NHS: variants seen among roughly 807,000 people sequenced by gnomAD.
NHS encodes actin remodeling regulator NHS.
In NHS, 5 loss-of-function variants were observed where a neutral mutation model predicts 72.5. The ratio of observed to expected loss-of-function variants is 0.07; its 90% CI spans 0.04 to 0.14. The LOEUF (loss-of-function observed/expected upper bound fraction) is 0.14, where lower values mean the gene tolerates loss of function less well. Among genes scored for constraint, NHS ranks in the 10% least tolerant of loss-of-function variants. The pLI is 1.00. For missense variants in NHS, 1,072 were observed against 1,355.7 expected (o/e 0.79, Z 3.29); for synonymous variants, 464 against 547.7 (o/e 0.85, Z 2.13).
At chrX:17,598,378 T>C (rs1460377573) in intron 1 of NHS, among the ~76,000 whole-genome samples, 1 of 112,747 alleles carries the variant, frequency 8.9e-6, no homozygotes. Context: ...GTTTAACTCC[T>C]TTCTTATTTC....
At chrX:17,509,896 A>T (rs1229787743) in intron 1 of NHS, among the ~76,000 whole-genome samples, 1 of 112,877 alleles carries the variant, frequency 8.9e-6, no homozygotes, top group East Asian at 2.8e-4. Flanking sequence ...AACAGCAGCC[A>T]CAATAGTAGC....
chrX:17,719,033 AGAAGGAGGGAGG>A (rs2066388183), intron 3 of NHS, among the ~76,000 whole-genome samples: 1 of 91,954 alleles, frequency 1.1e-5, no homozygotes, highest in Non-Finnish European at 2.2e-5. Flanking sequence ...AAAAAAGGAA[AGAAGGAGGGAGG>A]GAAGGAAGGA....
At chrX:17,690,958 G>A (rs1363053401) in intron 2 of NHS, among the ~76,000 whole-genome samples, 1 of 111,336 alleles carries the variant, frequency 9.0e-6, no homozygotes, top group East Asian at 2.8e-4. Context: ...CAAGTTGGAG[G>A]CTGCAGCATA....
At chrX:17,434,979 T>G (rs1020727885) in intron 1 of NHS, among the ~76,000 whole-genome samples, 21 of 112,133 alleles carry the variant, frequency 1.9e-4, no homozygotes, top group South Asian at 3.7e-4. Flanking sequence ...CCAGAGAAGC[T>G]TCTAGAAAGA....
At chrX:17,540,954 C>G (rs1349917892) in intron 1 of NHS, among the ~76,000 whole-genome samples, 1 of 111,771 alleles carries the variant, frequency 8.9e-6, no homozygotes, top group Admixed American at 9.5e-5. Context: ...TGCCTGTAGT[C>G]TCAGCTACTT....
intron 1 of NHS, among the ~76,000 whole-genome samples, chrX:17,425,014 T>C (rs1375627187): frequency 1.8e-5 from 2 of 112,156 alleles, no homozygotes; most frequent in Non-Finnish European, 3.8e-5. Flanking sequence ...GAAAGGGCTA[T>C]ACTTACTTAA....
chrX:17,507,506 G>A (rs2065064393), intron 1 of NHS, among the ~76,000 whole-genome samples: 1 of 112,070 alleles, frequency 8.9e-6, no homozygotes, highest in African/African-American at 3.2e-5. Context: ...GACATCCCAG[G>A]TGTGTTTTTA....
In NHS at chrX:17,691,146, G is replaced by A. The variant is rs750635140; in HGVS notation, c.719-1189G>A. On this transcript the variant is annotated intron_variant, in intron 2 of 8. Transcript: ENST00000676302. ...TATATGTTTAAGATTGTGTAGGAGG[G>A]GAGCGATTGAATGGAAAATTGAGTT... Among the ~76,000 whole-genome samples, 7 of 111,337 alleles carry A rather than the reference G, an allele frequency of 6.3e-5. No homozygotes were observed. The East Asian group carries it at 2.0e-3, about 32-fold the overall frequency.
At chrX:17,518,435 G>T (rs1377513615) in intron 1 of NHS, among the ~76,000 whole-genome samples, 1 of 111,872 alleles carries the variant, frequency 8.9e-6, no homozygotes, top group Non-Finnish European at 1.9e-5. Context: ...CACAACCCAA[G>T]TTAGCTCATA....
chrX:17,457,863 G>A (rs1036506326), intron 1 of NHS, among the ~76,000 whole-genome samples: 1 of 111,909 alleles, frequency 8.9e-6, no homozygotes, highest in African/African-American at 3.3e-5. Context: ...CACAGTCCTT[G>A]TGCTCTTTCA....
Position 17,506,573 on chromosome X carries a change from A to G in NHS, c.565+130251A>G, listed in dbSNP as rs373448888. 7.0e-5 allele frequency among the ~76,000 whole-genome samples: 7 copies of G among 100,579 alleles called. No homozygotes were observed. The South Asian group carries it at 2.8e-3, about 41-fold the overall frequency. The allele number at this position is 100,579 out of a possible 115,157, so 87.3% of individuals were successfully genotyped here. Reference sequence around the variant, plus strand: ...AATAAATAAATAAATAAATAAGTAAATAAATTCAGGTGCACTTGTCCTGAT... The same window carrying G: ...AATAAATAAATAAATAAATAAGTAAGTAAATTCAGGTGCACTTGTCCTGAT... On this transcript the variant is annotated intron_variant, in intron 1 of 8. Coordinates refer to ENST00000676302, the MANE Select transcript of NHS (RefSeq NM_001291867.2).
At chrX:17,430,259 TTTTCTTTCTTTCTTTCTTTCTTTC>T (rs56175001) in intron 1 of NHS, among the ~76,000 whole-genome samples, 51 of 51,568 alleles carry the variant, frequency 9.9e-4, no homozygotes, top group South Asian at 3.1e-3. Flanking sequence ...CCCTCTTTCT[TTTTCTTTCTTTCTTTCTTTCTTTC>T]TTTCTTTCTT....
intron 1 of NHS, among the ~76,000 whole-genome samples, chrX:17,596,719 C>T (rs968277966): frequency 3.6e-5 from 4 of 111,600 alleles, no homozygotes; most frequent in African/African-American, 1.3e-4. Flanking sequence ...GCCAGCCACT[C>T]CAAGTCTCAG....
At chrX:17,406,059 G>C (rs1164524776) in intron 1 of NHS, among the ~76,000 whole-genome samples, 1 of 112,113 alleles carries the variant, frequency 8.9e-6, no homozygotes, top group African/African-American at 3.2e-5. Context: ...GACAACTTCT[G>C]GATGAGCTGG....
chrX:17,622,924 T>C (rs1298426865), intron 1 of NHS, among the ~76,000 whole-genome samples: 3 of 110,440 alleles, frequency 2.7e-5, no homozygotes, highest in Non-Finnish European at 5.7e-5. Context: ...CTTATTTTAT[T>C]ATTAAAAAAA....
chrX:17,508,610 A>G (rs2065070629), intron 1 of NHS, among the ~76,000 whole-genome samples: 1 of 111,234 alleles, frequency 9.0e-6, no homozygotes, highest in Non-Finnish European at 1.9e-5. Flanking sequence ...AGCTGGGATT[A>G]CAGGCATGTG....
chrX:17,730,623 T>C (rs1300739727), intron 8 of NHS, among the ~76,000 whole-genome samples: 1 of 112,373 alleles, frequency 8.9e-6, no homozygotes, highest in Non-Finnish European at 1.9e-5. Flanking sequence ...ATCCACCAAA[T>C]TTATGCCTGC....
At chrX:17,674,602 A>G (rs1403450787) in intron 1 of NHS, among the ~76,000 whole-genome samples, 2 of 112,403 alleles carry the variant, frequency 1.8e-5, no homozygotes, top group African/African-American at 3.2e-5. Context: ...GAGGCTACTC[A>G]TAGCTTCTGA....
intron 1 of NHS, among the ~76,000 whole-genome samples, chrX:17,441,353 T>C (rs968644628): frequency 1.8e-5 from 2 of 112,175 alleles, no homozygotes; most frequent in Non-Finnish European, 3.8e-5. Flanking sequence ...CTAATCTTTA[T>C]AGAGTACTTT....
Sources: allele counts gnomAD v4.1 joint callset (sites outside exome capture counted in the v4.1 genomes callset), GRCh38; gene constraint gnomAD v4.1.1; transcripts MANE v1.5; gene names NCBI Gene and HGNC (gene_info 2026-07-23, HGNC 2026-07-21).